The following MAML3 variants were observed in gnomAD, a reference collection of about 807,000 sequenced individuals.
MAML3 encodes mastermind like transcriptional coactivator 3.
A neutral mutation model predicts 101.9 loss-of-function variants in MAML3; 27 were observed. The ratio of observed to expected loss-of-function variants is 0.27; its 90% CI spans 0.20 to 0.37. The LOEUF (loss-of-function observed/expected upper bound fraction) is 0.37. Ranked by LOEUF, MAML3 falls within the 10% of genes least tolerant of loss-of-function variation. The pLI, the probability that MAML3 is intolerant of heterozygous loss-of-function variation, is 1.00. For missense variants in MAML3, 1,316 were observed against 1,444.9 expected, an observed-to-expected ratio of 0.91 and a Z score of 1.45; for synonymous variants, 501 against 555.9, an observed-to-expected ratio of 0.90 and a Z score of 1.39.
chr4:139,983,148 G>C (rs1436312979), intron 1 of MAML3, among the ~76,000 whole-genome samples: 1 of 152,044 alleles, frequency 6.6e-6, no homozygotes, highest in Non-Finnish European at 1.5e-5. Context: ...TACATTCTTT[G>C]TGCTGTAAAA....
chr4:140,025,961 C>G (rs1726815702), intron 1 of MAML3, among the ~76,000 whole-genome samples: 1 of 152,196 alleles, frequency 6.6e-6, no homozygotes, highest in African/African-American at 2.4e-5. Context: ...CAGCTCCTCC[C>G]TGATCACTGT....
chr4:140,107,194 C>A (rs1295917972), intron 1 of MAML3, among the ~76,000 whole-genome samples: 1 of 151,922 alleles, frequency 6.6e-6, no homozygotes, highest in Non-Finnish European at 1.5e-5. Flanking sequence ...TTTATAGAAA[C>A]AAGAAAATAA....
At chr4:139,824,848 C>T (rs1018949980) in intron 2 of MAML3, among the ~76,000 whole-genome samples, 4 of 152,082 alleles carry the variant, frequency 2.6e-5, no homozygotes, top group Middle Eastern at 3.2e-3. Context: ...TTACCACCCC[C>T]GCCCCAGCCC....
At chr4:139,983,364 C>A (rs1475702962) in intron 1 of MAML3, among the ~76,000 whole-genome samples, 1 of 152,120 alleles carries the variant, frequency 6.6e-6, no homozygotes, top group Non-Finnish European at 1.5e-5. Flanking sequence ...AATATATAGC[C>A]TTTTCAGACC....
intron 1 of MAML3, among the ~76,000 whole-genome samples, chr4:139,974,760 G>C (rs1285789842): frequency 2.0e-5 from 3 of 152,050 alleles, no homozygotes; most frequent in Non-Finnish European, 2.9e-5. Context: ...TGTATTTATT[G>C]ATAAATAATC....
intron 2 of MAML3, among the ~76,000 whole-genome samples, chr4:139,868,883 A>G (rs1233964956): frequency 3.3e-5 from 5 of 152,246 alleles, no homozygotes; most frequent in Non-Finnish European, 5.9e-5. Context: ...GTATTAAAAC[A>G]CAATCCTTAC....
intron 1 of MAML3, among the ~76,000 whole-genome samples, chr4:139,988,855 G>T (rs1359185447): frequency 6.6e-6 from 1 of 152,320 alleles, no homozygotes. Flanking sequence ...GGCTGAGGAA[G>T]TGAGAAGGAC....
At chr4:139,779,040 C>T (rs963183819) in intron 2 of MAML3, among the ~76,000 whole-genome samples, 4 of 150,790 alleles carry the variant, frequency 2.7e-5, no homozygotes, top group South Asian at 2.1e-4. Context: ...TCTGCCTTTA[C>T]ACAGCCTACT....
intron 1 of MAML3, among the ~76,000 whole-genome samples, chr4:140,062,780 C>A (rs1311475456): frequency 1.3e-5 from 2 of 152,164 alleles, no homozygotes; most frequent in Admixed American, 1.3e-4. Context: ...GTGCACAGTT[C>A]CAGGACATAG....
At chr4:139,910,051 A>G (rs377535316) in intron 1 of MAML3, among the ~76,000 whole-genome samples, 4 of 152,304 alleles carry the variant, frequency 2.6e-5, no homozygotes, top group African/African-American at 7.2e-5. Context: ...TCAAGAAAGT[A>G]GGACAAAACA....
At chr4:140,053,401 A>T (rs1166477523) in intron 1 of MAML3, among the ~76,000 whole-genome samples, 1 of 152,064 alleles carries the variant, frequency 6.6e-6, no homozygotes, top group South Asian at 2.1e-4. Context: ...GAATTAGGTA[A>T]TTCTGTTTGG....
At chr4:140,071,652 T>TA (rs763506702) in intron 1 of MAML3, among the ~76,000 whole-genome samples, 186 of 140,216 alleles carry the variant, frequency 1.3e-3, no homozygotes, top group East Asian at 2.9e-3. Context: ...TCTCACAGTT[T>TA]AAAAAAAAAA....
chr4:139,831,915 C>A (rs1731169131), intron 2 of MAML3, among the ~76,000 whole-genome samples: 1 of 151,636 alleles, frequency 6.6e-6, no homozygotes, highest in South Asian at 2.1e-4. Flanking sequence ...GCCTCAGCCT[C>A]CCAAGTAGTT....
chr4:140,057,172 C>T (rs189535607), intron 1 of MAML3, among the ~76,000 whole-genome samples: 26 of 152,206 alleles, frequency 1.7e-4, no homozygotes, highest in Non-Finnish European at 2.5e-4. Flanking sequence ...GCTATTTGGG[C>T]GGTTAATGTG....
chr4:139,941,108 G>A (rs886552496), intron 1 of MAML3, among the ~76,000 whole-genome samples: 2 of 152,136 alleles, frequency 1.3e-5, no homozygotes, highest in Admixed American at 1.3e-4. Flanking sequence ...AGTTAGTACT[G>A]TTAGTTTTCA....
chr4:140,068,231 C>T (rs1727572682), intron 1 of MAML3, among the ~76,000 whole-genome samples: 1 of 152,182 alleles, frequency 6.6e-6, no homozygotes, highest in Non-Finnish European at 1.5e-5. Context: ...TGTTTTGCAA[C>T]TGCCGCAGTG....
intron 1 of MAML3, among the ~76,000 whole-genome samples, chr4:140,056,373 T>A (rs1014616792): frequency 7.3e-5 from 11 of 150,128 alleles, no homozygotes; most frequent in Non-Finnish European, 1.2e-4. Context: ...TTTTTTTTTT[T>A]AAAGACAGAG....
intron 1 of MAML3, among the ~76,000 whole-genome samples, chr4:140,122,122 G>C (rs929021781): frequency 6.7e-6 from 1 of 150,024 alleles, no homozygotes; most frequent in Non-Finnish European, 1.5e-5. Flanking sequence ...CTCAAGTCTT[G>C]AGGCTAATAC....
At position 140,030,679 on chromosome 4, in the gene MAML3, C is replaced by T. The variant is rs114625974; in HGVS notation, c.468+122181G>A. Among the ~76,000 whole-genome samples the T allele has an allele frequency of 5.0e-3, 764 of 152,272 alleles. 2 individuals carry two copies. The highest frequency in any genetic ancestry group is 0.024 in the Middle Eastern group (7 of 294). ...TTTCACCTCCTCCCTCCCTTTTTGG[C>T]TCTCCATCCCAGTCTCCCAGCTTGC... On this transcript the variant is annotated intron_variant, in intron 1 of 4. Coordinates refer to ENST00000509479, the MANE Select transcript of MAML3 (RefSeq NM_018717.5).
Sources: allele counts gnomAD v4.1 joint callset (sites outside exome capture counted in the v4.1 genomes callset), GRCh38; gene constraint gnomAD v4.1.1; transcripts MANE v1.5; gene names NCBI Gene and HGNC (gene_info 2026-07-23, HGNC 2026-07-21).